Variants in SWT1 observed in about 807,000 individuals in gnomAD.
The protein encoded by SWT1 is transcriptional protein SWT1.
A neutral mutation model predicts 107.3 loss-of-function variants in SWT1; 33 were observed. That is an observed-to-expected ratio of 0.31 (90% CI 0.23 to 0.41). The LOEUF (loss-of-function observed/expected upper bound fraction) is 0.41. Among genes scored for constraint, SWT1 ranks in the 10% least tolerant of loss-of-function variants. The pLI is 1.00. For synonymous variants in SWT1, 345 were observed against 348.3 expected, an observed-to-expected ratio of 0.99 and a Z score of 0.11; for missense variants, 898 against 1,028.9, an observed-to-expected ratio of 0.87 and a Z score of 1.74.
At chr1:185,204,634 A>C (rs1658164408) in intron 11 of SWT1, 66 bp from the exon 12 acceptor site, 1 of 797,472 alleles carries the variant, frequency 1.3e-6, no homozygotes, top group Non-Finnish European at 1.9e-6. Context: ...ATGGCAATAT[A>C]CTAATTATAT....
chr1:185,280,761 C>G (rs1664564711), intron 18 of SWT1: 1 of 266,236 alleles, frequency 3.8e-6, no homozygotes, highest in African/African-American at 2.3e-5. Context: ...GAAGCTGGGC[C>G]TGGAGGAGCT....
chr1:185,192,956 ACT>A (rs1466895505), intron 10 of SWT1, among the ~76,000 whole-genome samples: 5 of 151,456 alleles, frequency 3.3e-5, no homozygotes, highest in Admixed American at 6.6e-5. Context: ...CCCAGAAAGT[ACT>A]CTCTTGCCTT....
chr1:185,266,074 T>A (rs572045014), intron 16 of SWT1, among the ~76,000 whole-genome samples: 132 of 152,302 alleles, frequency 8.7e-4, no homozygotes, highest in African/African-American at 2.7e-3. Flanking sequence ...ATTTTATTTT[T>A]TTTTTCTGAG....
intron 16 of SWT1, chr1:185,262,354 G>C (rs1246974036): frequency 6.6e-6 from 1 of 152,198 alleles, no homozygotes; most frequent in East Asian, 1.9e-4. Flanking sequence ...GCCTCCAGCA[G>C]TACCAGCATC....
chr1:185,248,592 T>A (rs773025669), intron 16 of SWT1, among the ~76,000 whole-genome samples: 19 of 152,242 alleles, frequency 1.2e-4, no homozygotes, highest in Non-Finnish European at 2.1e-4. Flanking sequence ...GTCTGTGTCT[T>A]TCATTGGTTC....
chr1:185,227,042 G>C (rs1163908416), intron 15 of SWT1: 12 of 943,608 alleles, frequency 1.3e-5, no homozygotes, highest in South Asian at 9.0e-5. Flanking sequence ...ACTGTTTCTT[G>C]TAAGCATCTT....
chr1:185,194,062 C>T (rs1414747822), intron 10 of SWT1, among the ~76,000 whole-genome samples: 2 of 152,162 alleles, frequency 1.3e-5, no homozygotes, highest in South Asian at 2.1e-4. Flanking sequence ...TGACATCATT[C>T]CTGGTTCTAA....
intron 8 of SWT1, 63 bp from the exon 9 acceptor site, chr1:185,184,680 G>C (rs2102386874): frequency 1.5e-6 from 2 of 1,307,984 alleles, no homozygotes; most frequent in East Asian, 4.9e-5. Flanking sequence ...CTCTTGGACA[G>C]CAATTCCATT....
intron 16 of SWT1, among the ~76,000 whole-genome samples, chr1:185,243,894 T>C (rs1661421816): frequency 6.6e-6 from 1 of 152,224 alleles, no homozygotes; most frequent in Admixed American, 6.5e-5. Context: ...ATGTTTATTA[T>C]TAAAGATAGT....
At chr1:185,285,113 T>C (rs559651724) in intron 18 of SWT1, among the ~76,000 whole-genome samples, 2 of 152,286 alleles carry the variant, frequency 1.3e-5, no homozygotes, top group East Asian at 1.9e-4. Context: ...TTCTGTCTTA[T>C]CTGACTCAGT....
Position 185,220,200 on chromosome 1 carries a change from CT to C in SWT1, c.2122-1639del, listed in dbSNP as rs1171218835. On this transcript the variant is annotated intron_variant, in intron 14 of 18. Transcript: ENST00000367500. ...TAACCATTGTTTTCATTTTTGCACT[CT>C]TTTTTTTTTGTTTTATTTTCTTGTC... is the stretch of plus-strand genomic sequence containing the variant. Among the ~76,000 whole-genome samples, 451 of 130,684 alleles carry C rather than the reference CT, an allele frequency of 3.5e-3. 4 individuals carry two copies. Among genetic ancestry groups the C allele is most frequent in the African/African-American group, 0.011 (403 of 36,630 alleles). The allele number at this position is 130,684 out of a possible 152,430, so 85.7% of individuals were successfully genotyped here.
chr1:185,246,329 G>A (rs1661603387), intron 16 of SWT1, among the ~76,000 whole-genome samples: 1 of 151,870 alleles, frequency 6.6e-6, no homozygotes, highest in African/African-American at 2.4e-5. Flanking sequence ...TCAGTCTGCA[G>A]TGCAGTGGCA....
At chr1:185,163,884 A>G (rs1362218202) in intron 2 of SWT1, among the ~76,000 whole-genome samples, 1 of 152,174 alleles carries the variant, frequency 6.6e-6, no homozygotes, top group East Asian at 1.9e-4. Flanking sequence ...ACAAATCATG[A>G]GTGTTCTAAA....
rs369129325 is a variant in SWT1 at position 185,174,652 on chromosome 1, A to G, written c.505A>G (p.Ser169Gly). Residue 169 changes from serine to glycine, a missense_variant, in exon 5 of 19, where the codon AGT (serine) becomes GGT (glycine). Physicochemically the swap from Ser to Gly is moderately conservative, Grantham distance 56. Transcript: ENST00000367500. ...DVKPKAEGQASENKWSHLLVQ... is the reference protein window; with the variant it reads ...DVKPKAEGQAGENKWSHLLVQ... ...GAAACCTAAAGCCGAAGGCCAGGCA[A>G]GTGAAAATAAATGGTCTCATTTACT... The G allele has an allele frequency of 6.2e-6, 10 of 1,613,786 alleles. No individual in the cohort carries two copies. The highest frequency in any genetic ancestry group is 8.5e-6 in the Non-Finnish European group (10 of 1,179,938).
rs1655390570 is a variant in SWT1, at chr1:185,174,745, A to G, written c.598A>G (p.Lys200Glu). 6.2e-7 allele frequency: 1 copy of G among 1,612,282 alleles called. No individual in the cohort carries two copies. The highest frequency in any genetic ancestry group is 8.5e-7 in the Non-Finnish European group (1 of 1,179,634). Residue 200 changes from lysine to glutamate, a missense_variant, in exon 5 of 19, where the codon AAA becomes GAA. Transcript: ENST00000367500. ...RNSKFRDNSE[K>E]CVLEKWKRNQ... ...CAGTAAATTTAGAGACAATTCTGAA[A>G]AATGTGTCTTAGAGAAATGGAAGAG...
chr1:185,183,456 A>G (rs1428507310), intron 7 of SWT1, among the ~76,000 whole-genome samples: 1 of 151,676 alleles, frequency 6.6e-6, no homozygotes, highest in East Asian at 2.0e-4. Flanking sequence ...ATGCCTGGCT[A>G]ATTTTTAGTA....
chr1:185,269,367 G>GTTTTTTTTTTTTTTTTTTT (rs1191849201), intron 16 of SWT1, among the ~76,000 whole-genome samples: 1 of 132,498 alleles, frequency 7.5e-6, no homozygotes, highest in Admixed American at 7.4e-5. Flanking sequence ...GGGTTAAGAG[G>GTTTTTTTTTTTTTTTTTTT]TTTTTGTTTT....
rs138779120 is a variant in SWT1 at position 185,196,982 on chromosome 1, G to A, written c.1524-5672G>A. Among the ~76,000 whole-genome samples, 197 of 152,118 alleles carry A rather than the reference G, an allele frequency of 1.3e-3. 1 individual carries two copies. The highest frequency in any genetic ancestry group is 4.6e-3 in the African/African-American group (190 of 41,492). ...CTGATTGCCCTGGCCAGAACTTCCC[G>A]TACTATGTTGAATAGGAGTGGAGAG... On this transcript the variant is annotated intron_variant, in intron 10 of 18. Transcript: ENST00000367500.
At chr1:185,199,849 G>C (rs1029391373) in intron 10 of SWT1, among the ~76,000 whole-genome samples, 3 of 152,108 alleles carry the variant, frequency 2.0e-5, no homozygotes, top group African/African-American at 4.8e-5. Context: ...TTTCCAACTT[G>C]GTTCCATTCT....
Sources: allele counts gnomAD v4.1 joint callset (sites outside exome capture counted in the v4.1 genomes callset), GRCh38; gene constraint gnomAD v4.1.1; transcripts MANE v1.5; gene names NCBI Gene and HGNC (gene_info 2026-07-23, HGNC 2026-07-21).